Variants in TTC7B observed in about 807,000 individuals in gnomAD.
The protein encoded by TTC7B is tetratricopeptide repeat domain 7B, also known as tetratricopeptide repeat protein 7B.
A neutral mutation model predicts 106.8 loss-of-function variants in TTC7B; 28 were observed. The observed-to-expected ratio is 0.26, with a 90% CI of 0.19 to 0.36. TTC7B has a LOEUF of 0.36. TTC7B is among the 10% of genes least tolerant of loss of function. The pLI is 1.00. For synonymous variants in TTC7B, 405 were observed against 430.6 expected (o/e 0.94, Z 0.74); for missense variants, 862 against 1,076.4 (o/e 0.80, Z 2.79).
chr14:90,739,515 C>T (rs76287762), intron 4 of TTC7B, among the ~76,000 whole-genome samples: 7,013 of 152,186 alleles, frequency 0.046, 196 homozygotes, highest in Non-Finnish European at 0.059. Context: ...TCCCTCCTGC[C>T]GGGAGAACAT....
intron 4 of TTC7B, among the ~76,000 whole-genome samples, chr14:90,731,967 A>G (rs1488498880): frequency 6.6e-6 from 1 of 152,196 alleles, no homozygotes; most frequent in East Asian, 1.9e-4. Flanking sequence ...GATTATTTTA[A>G]AGTAAAAAAT....
chr14:90,654,824 A>C (rs943825353), intron 12 of TTC7B, among the ~76,000 whole-genome samples, 169 bp downstream of exon 12: 1 of 152,202 alleles, frequency 6.6e-6, no homozygotes, highest in Non-Finnish European at 1.5e-5. Flanking sequence ...TTCTCCCATC[A>C]GACCAAGCAA....
intron 13 of TTC7B, 78 bp downstream of exon 13, chr14:90,652,763 A>T (rs748083999): frequency 5.5e-5 from 83 of 1,522,600 alleles, no homozygotes; most frequent in Non-Finnish European, 7.0e-5. Flanking sequence ...TAATCTTTAT[A>T]AATATCTCTT....
intron 6 of TTC7B, among the ~76,000 whole-genome samples, chr14:90,693,345 G>T (rs1045934625): frequency 8.7e-4 from 133 of 152,160 alleles, no homozygotes; most frequent in African/African-American, 3.2e-3. Context: ...AAGAATTCAA[G>T]TCAACAGGAG....
chr14:90,733,681 C>G (rs1449405225), intron 4 of TTC7B, among the ~76,000 whole-genome samples: 1 of 152,164 alleles, frequency 6.6e-6, no homozygotes, highest in African/African-American at 2.4e-5. Flanking sequence ...CTGGCAGAAG[C>G]AAGTACCCAA....
At chr14:90,590,145 T>C (rs892588651) in intron 18 of TTC7B, among the ~76,000 whole-genome samples, 1 of 152,130 alleles carries the variant, frequency 6.6e-6, no homozygotes, top group African/African-American at 2.4e-5. Context: ...TTCAATTGTG[T>C]GCCATGGACC....
At chr14:90,804,966 A>T (rs1017054318) in intron 1 of TTC7B, among the ~76,000 whole-genome samples, 1 of 152,152 alleles carries the variant, frequency 6.6e-6, no homozygotes, top group Non-Finnish European at 1.5e-5. Context: ...GGTCCACAAA[A>T]GCCACAGGGA....
intron 6 of TTC7B, among the ~76,000 whole-genome samples, chr14:90,692,725 T>TACTG (rs2139942211): frequency 6.6e-6 from 1 of 152,352 alleles, no homozygotes; most frequent in African/African-American, 2.4e-5. Flanking sequence ...GTTTTATGAA[T>TACTG]ACTGAGAAGA....
intron 19 of TTC7B, among the ~76,000 whole-genome samples, chr14:90,555,661 A>G (rs1462848946): frequency 2.0e-5 from 3 of 152,144 alleles, no homozygotes; most frequent in Admixed American, 6.5e-5. Flanking sequence ...CTTGGGATTA[A>G]TGGTGTGGTG....
intron 5 of TTC7B, among the ~76,000 whole-genome samples, chr14:90,728,180 G>A (rs1015881380): frequency 1.3e-5 from 2 of 152,008 alleles, no homozygotes; most frequent in African/African-American, 4.8e-5. Flanking sequence ...AGCAGGGACT[G>A]CAGCTAACAG....
At chr14:90,702,706 C>G (rs943129028) in intron 5 of TTC7B, among the ~76,000 whole-genome samples, 4 of 152,208 alleles carry the variant, frequency 2.6e-5, no homozygotes, top group Non-Finnish European at 5.9e-5. Flanking sequence ...CAGGAACTCC[C>G]TATGTAATTC....
At position 90,570,444 on chromosome 14, in the gene TTC7B, A is replaced by G. The variant is rs528302874; in HGVS notation, c.2310+7662T>C. 7.9e-5 allele frequency among the ~76,000 whole-genome samples: 12 copies of G among 152,116 alleles called. 1 individual carries two copies. Among genetic ancestry groups the G allele is most frequent in the African/African-American group, 2.7e-4 (11 of 41,486 alleles). On this transcript the variant is annotated intron_variant, in intron 19 of 19. Coordinates refer to ENST00000328459, the MANE Select transcript of TTC7B (RefSeq NM_001010854.2). The surrounding 1 kb of genome is among the most constrained non-coding windows in gnomAD (Gnocchi z 4.0). ...CTCTGCTCAAAATCCAACACTTTCTATCTCCGCCTAGGAACAAATCACCCC... is the reference window on the plus strand; with the variant it reads ...CTCTGCTCAAAATCCAACACTTTCTGTCTCCGCCTAGGAACAAATCACCCC...
At chr14:90,706,036 T>C (rs1256653788) in intron 5 of TTC7B, among the ~76,000 whole-genome samples, 1 of 152,210 alleles carries the variant, frequency 6.6e-6, no homozygotes, top group African/African-American at 2.4e-5. Context: ...ACTTCAGCAG[T>C]GTTGTGCTCT....
chr14:90,573,934 G>T (rs61987000), intron 19 of TTC7B, among the ~76,000 whole-genome samples: 18,861 of 152,182 alleles, frequency 0.12, 1,331 homozygotes, highest in African/African-American at 0.19. Flanking sequence ...TCTCTCTCCT[G>T]AAAGCCCTTG....
chr14:90,549,763 A>C lies in TTC7B; in HGVS notation c.2311-8174T>G, dbSNP rs576589921. On this transcript the variant is annotated intron_variant, in intron 19 of 19. Coordinates refer to ENST00000328459, the MANE Select transcript of TTC7B (RefSeq NM_001010854.2). ...TCTGAGTGTCAGATGCTTTATCTGC[A>C]TAAGGGGGAGAAATACTAACCAAAC... 5.3e-5 allele frequency among the ~76,000 whole-genome samples: 8 copies of C among 152,296 alleles called. No individual in the cohort carries two copies. In the South Asian group the frequency reaches 1.7e-3, roughly 32 times the overall value.
chr14:90,572,962 G>A (rs113631545), intron 19 of TTC7B, among the ~76,000 whole-genome samples: 2,068 of 152,048 alleles, frequency 0.014, 50 homozygotes, highest in African/African-American at 0.047. Context: ...GCCACCGCCC[G>A]TCTCTCCTCC....
At chr14:90,737,790 T>C (rs914907017) in intron 4 of TTC7B, among the ~76,000 whole-genome samples, 2 of 152,064 alleles carry the variant, frequency 1.3e-5, no homozygotes, top group East Asian at 3.9e-4. Flanking sequence ...AACTCCTGAC[T>C]TTGTGATCCA....
rs540136842 is a variant in TTC7B, at chr14:90,805,668, G to A, written c.121+10507C>T. Among the ~76,000 whole-genome samples the A allele has an allele frequency of 6.7e-4, 102 of 152,348 alleles. 3 individuals carry two copies. In the South Asian group the frequency reaches 9.3e-3, roughly 14 times the overall value. On this transcript the variant is annotated intron_variant, in intron 1 of 19. Transcript: ENST00000328459. The surrounding 1 kb of genome is among the most constrained non-coding windows in gnomAD (Gnocchi z 4.0). ...CCCTCGGGCATTATTTGGGGTTTAAGTGAGGCTGCAATAACCAGCTCCCAA... is the reference window on the plus strand; with the variant it reads ...CCCTCGGGCATTATTTGGGGTTTAAATGAGGCTGCAATAACCAGCTCCCAA...
chr14:90,687,285 A>G (rs1169491275), intron 7 of TTC7B, among the ~76,000 whole-genome samples: 1 of 152,232 alleles, frequency 6.6e-6, no homozygotes, highest in Non-Finnish European at 1.5e-5. Flanking sequence ...AGACAGTGCT[A>G]CTACGGGAAT....
Sources: gnomAD v4.1 joint callset for allele counts (sites outside exome capture counted in the v4.1 genomes callset) on GRCh38, gnomAD v4.1.1 for gene constraint, Gnocchi (gnomAD v3.1) non-coding constraint, MANE v1.5 for transcripts, NCBI Gene and HGNC (gene_info 2026-07-23, HGNC 2026-07-21) for gene names.